SEC24B: variants seen among roughly 807,000 people sequenced by gnomAD.
SEC24B encodes the protein SEC24 homolog B, COPII component, also known as protein transport protein Sec24B.
Under a neutral mutation model 142.8 loss-of-function variants are expected in SEC24B, and 45 were observed. The observed-to-expected ratio is 0.32, with a 90% CI of 0.25 to 0.40. SEC24B has a LOEUF of 0.40. Among genes scored for constraint, SEC24B ranks in the 10% least tolerant of loss-of-function variants. The pLI is 1.00. For missense variants in SEC24B, 1,409 were observed against 1,526.8 expected, an observed-to-expected ratio of 0.92 and a Z score of 1.29; for synonymous variants, 574 against 568.2, an observed-to-expected ratio of 1.01 and a Z score of -0.15.
intron 6 of SEC24B, among the ~76,000 whole-genome samples, chr4:109,500,663 T>G (rs754654122): frequency 5.9e-5 from 9 of 151,822 alleles, no homozygotes; most frequent in Non-Finnish European, 1.2e-4. Context: ...AAAGAAAAAT[T>G]ATTTTTCCTC....
At chr4:109,462,695 A>G (rs1731395558) in intron 1 of SEC24B, among the ~76,000 whole-genome samples, 1 of 152,194 alleles carries the variant, frequency 6.6e-6, no homozygotes, top group Non-Finnish European at 1.5e-5. Context: ...GTGAGGGAGG[A>G]CTACAAGGGT....
Position 109,494,764 on chromosome 4 carries a change from C to A in SEC24B, c.1396C>A (p.Leu466Ile). ...AKPFGYGYPT[L>I]QPGYQNATAP... ...GCCTTTTGGCTATGGCTATCCAACA[C>A]TTCAGCCTGGTTATCAGAATGCTAC... is the stretch of plus-strand genomic sequence containing the variant. Residue 466 changes from leucine to isoleucine, a missense_variant, in exon 6 of 24, where the codon CTT (leucine) becomes ATT (isoleucine). By Grantham distance (5) the Leu-to-Ile change is conservative. This residue lies in a region of SEC24B where 709 missense variants were observed against 673.5 expected (regional missense o/e 1.05). Transcript: ENST00000265175. The A allele has an allele frequency of 6.2e-7, 1 of 1,614,240 alleles. No individual in the cohort carries two copies. Among genetic ancestry groups the A allele is most frequent in the Non-Finnish European group, 8.5e-7 (1 of 1,180,042 alleles).
chr4:109,444,472 ATTTTTT>A (rs796951465), intron 1 of SEC24B, among the ~76,000 whole-genome samples: 82 of 128,260 alleles, frequency 6.4e-4, no homozygotes, highest in Non-Finnish European at 9.9e-4. Context: ...AGATCCTGTG[ATTTTTT>A]TTTTTTTTTT....
chr4:109,489,623 A>AAC (rs1203261095), intron 4 of SEC24B, among the ~76,000 whole-genome samples: 1 of 146,498 alleles, frequency 6.8e-6, no homozygotes, highest in Non-Finnish European at 1.5e-5. Flanking sequence ...TATATATTAT[A>AAC]ATATATATGG....
chr4:109,481,565 G>C, intron 3 of SEC24B, 112 bp from the exon 4 acceptor site: 1 of 694,554 alleles, frequency 1.4e-6, no homozygotes, highest in Non-Finnish European at 2.5e-6. Flanking sequence ...ATGCATGTTG[G>C]GATGTTCTTT....
At chr4:109,483,153 C>T (rs1561117992) in intron 4 of SEC24B, among the ~76,000 whole-genome samples, 1 of 149,732 alleles carries the variant, frequency 6.7e-6, no homozygotes, top group African/African-American at 2.5e-5. Context: ...GATCTCGGCT[C>T]ACTGCAAGCT....
At chr4:109,492,974 C>A (rs1226518722) in intron 5 of SEC24B, among the ~76,000 whole-genome samples, 1 of 151,916 alleles carries the variant, frequency 6.6e-6, no homozygotes, top group Non-Finnish European at 1.5e-5. Flanking sequence ...TCCACCTTGG[C>A]CTTCCAAAGT....
chr4:109,461,371 T>C (rs1731238931), intron 1 of SEC24B, among the ~76,000 whole-genome samples: 1 of 152,226 alleles, frequency 6.6e-6, no homozygotes, highest in African/African-American at 2.4e-5. Flanking sequence ...GTTTGACTTC[T>C]AGAAATTTGT....
At chr4:109,483,951 A>G (rs1734085297) in intron 4 of SEC24B, among the ~76,000 whole-genome samples, 1 of 152,238 alleles carries the variant, frequency 6.6e-6, no homozygotes, top group Non-Finnish European at 1.5e-5. Flanking sequence ...TGGAGACATC[A>G]TGAACTTTAC....
chr4:109,508,291 A>G (rs1016056237), intron 7 of SEC24B, among the ~76,000 whole-genome samples: 1 of 152,192 alleles, frequency 6.6e-6, no homozygotes, highest in Admixed American at 6.5e-5. Context: ...TGGGCCATGC[A>G]TAGTAGCTCA....
chr4:109,471,400 C>T (rs1326172043), intron 2 of SEC24B, among the ~76,000 whole-genome samples: 2 of 152,306 alleles, frequency 1.3e-5, no homozygotes, highest in East Asian at 3.9e-4. Flanking sequence ...CCACCTTGGC[C>T]TCCTAAACTG....
At chr4:109,450,126 T>C (rs1375185982) in intron 1 of SEC24B, among the ~76,000 whole-genome samples, 3 of 152,220 alleles carry the variant, frequency 2.0e-5, no homozygotes, top group Middle Eastern at 3.4e-3. Flanking sequence ...GATGGGAGGT[T>C]CACTTGAGCC....
Position 109,473,102 on chromosome 4 carries a change from TCAA to T in SEC24B, c.980_982del (p.Thr327del), listed in dbSNP as rs1379094347. ...TTTATCAGGATCCTCAGGATCCTCA[TCAA>T]CAAGAACACCTCCCACTGCAAATCA... On this transcript the variant is annotated inframe_deletion, in exon 3 of 24. Coordinates refer to ENST00000265175, the MANE Select transcript of SEC24B (RefSeq NM_006323.5). 1.4e-5 allele frequency: 22 copies of T among 1,601,962 alleles called. No homozygotes were observed. The highest frequency in any genetic ancestry group is 1.6e-5 in the Non-Finnish European group (19 of 1,174,468).
intron 22 of SEC24B, among the ~76,000 whole-genome samples, chr4:109,534,464 G>A (rs1408233512): frequency 6.6e-6 from 1 of 151,994 alleles, no homozygotes; most frequent in Non-Finnish European, 1.5e-5. Flanking sequence ...GCGGGCGCCT[G>A]TAGTCCCAGC....
intron 2 of SEC24B, among the ~76,000 whole-genome samples, chr4:109,471,978 C>T (rs1732570700): frequency 6.6e-6 from 1 of 152,168 alleles, no homozygotes; most frequent in African/African-American, 2.4e-5. Context: ...TGTTTTTAAT[C>T]TTCCACAATG....
intron 22 of SEC24B, among the ~76,000 whole-genome samples, chr4:109,536,845 T>A (rs1036731564): frequency 2.0e-5 from 3 of 151,770 alleles, no homozygotes; most frequent in Non-Finnish European, 2.9e-5. Flanking sequence ...TTTTTTTTTT[T>A]ATAATATTAG....
chr4:109,506,842 T>C (rs1365236366), intron 7 of SEC24B, among the ~76,000 whole-genome samples: 1 of 152,212 alleles, frequency 6.6e-6, no homozygotes, highest in East Asian at 1.9e-4. Context: ...TGATATCTTT[T>C]CAATAAGGAC....
rs752637964 is a variant in SEC24B at position 109,463,508 on chromosome 4, G to T, written c.741G>T (p.Gln247His). 1.2e-6 allele frequency: 2 copies of T among 1,614,050 alleles called. No homozygotes were observed. The highest frequency in any genetic ancestry group is 2.2e-5 in the South Asian group (2 of 91,074). ...CACTTCCACCTCTACCATCACAACA[G>T]CACCACCAGCAGCAAAGTCTTTCAG... ...PSPLPPLPSQQHHQQQSLSGY... is the reference protein window; with the variant it reads ...PSPLPPLPSQHHHQQQSLSGY... The change falls in exon 2 of 24, where the codon CAG (glutamine) becomes CAT (histidine). Residue 247 changes from glutamine (Q) to histidine (H), a missense_variant. Transcript: ENST00000265175.
chr4:109,488,579 C>T (rs1043016071), intron 4 of SEC24B: 4 of 153,162 alleles, frequency 2.6e-5, no homozygotes, highest in African/African-American at 9.7e-5. Context: ...GAACATTTGT[C>T]AACAAGTTTT....
Sources: gnomAD v4.1 joint callset for allele counts (sites outside exome capture counted in the v4.1 genomes callset) on GRCh38, gnomAD v4.1.1 for gene constraint, gnomAD v4.1.1 regional missense constraint, MANE v1.5 for transcripts, NCBI Gene and HGNC (gene_info 2026-07-23, HGNC 2026-07-21) for gene names.